The following WHRN variants were observed in gnomAD, a reference collection of about 807,000 sequenced individuals.
WHRN encodes whirlin, also known as CASK-interacting protein CIP98.
WHRN carries 41 observed loss-of-function variants against 68.3 expected under a neutral mutation model. The ratio of observed to expected loss-of-function variants is 0.60; its 90% CI spans 0.47 to 0.78. WHRN has a LOEUF of 0.78. WHRN is among the 30% of genes least tolerant of loss of function. The probability of loss-of-function intolerance (pLI) is 0.00; values close to 1 mark genes in which losing one functional copy is unlikely to be tolerated. For missense variants in WHRN, 1,243 were observed against 1,244.7 expected (o/e 1.00, Z 0.02); for synonymous variants, 560 against 561.3 (o/e 1.00, Z 0.03).
rs1176361943 is a variant in WHRN at position 114,402,515 on chromosome 9, G to A, written c.*239C>T. On this transcript the variant is annotated 3_prime_UTR_variant, in exon 12 of 12. Transcript: ENST00000362057. ...TTTCTTCCTGTCTTGCAACCCACTT[G>A]TCCTGGGCGCCTACTGTGTACCCAG... 2.4e-5 allele frequency: 14 copies of A among 583,758 alleles called. No homozygotes were observed. In the Admixed American group the frequency reaches 4.1e-4, roughly 17 times the overall value. 36.2% of individuals were successfully genotyped at this position (583,758 alleles called of 1,614,324 possible).
At chr9:114,414,904 G>A (rs536523169) in intron 7 of WHRN, among the ~76,000 whole-genome samples, 7 of 152,232 alleles carry the variant, frequency 4.6e-5, no homozygotes, top group South Asian at 2.1e-4. Context: ...TGGGGTGGGG[G>A]ACAGGAGGTC....
chr9:114,458,688 C>G (rs551539760), intron 3 of WHRN, among the ~76,000 whole-genome samples: 1 of 152,272 alleles, frequency 6.6e-6, no homozygotes, highest in South Asian at 2.1e-4. Flanking sequence ...GTGCTGGCAA[C>G]CCATGGACAG....
intron 2 of WHRN, among the ~76,000 whole-genome samples, chr9:114,469,723 G>C (rs770770763): frequency 6.6e-6 from 1 of 152,206 alleles, no homozygotes; most frequent in African/African-American, 2.4e-5. Context: ...GGGCACTGCC[G>C]CCGCTGTAAC....
intron 2 of WHRN, among the ~76,000 whole-genome samples, chr9:114,469,166 T>C (rs1353429413): frequency 6.6e-6 from 1 of 152,218 alleles, no homozygotes; most frequent in Non-Finnish European, 1.5e-5. Flanking sequence ...GCTGTCGTTA[T>C]CCTCACAGTG....
chr9:114,440,075 G>A (rs1014727797), intron 3 of WHRN, among the ~76,000 whole-genome samples: 3 of 152,188 alleles, frequency 2.0e-5, no homozygotes, highest in Non-Finnish European at 4.4e-5. Context: ...AACATGCCTA[G>A]CTAATTTTTG....
intron 2 of WHRN, among the ~76,000 whole-genome samples, chr9:114,471,888 G>A (rs756014632): frequency 7.2e-5 from 11 of 152,314 alleles, no homozygotes; most frequent in South Asian, 4.1e-4. Flanking sequence ...CTTTGGGCAC[G>A]GTTGTGAGAG....
chr9:114,449,509 G>A (rs1454248113), intron 3 of WHRN, among the ~76,000 whole-genome samples: 1 of 152,224 alleles, frequency 6.6e-6, no homozygotes, highest in Non-Finnish European at 1.5e-5. Flanking sequence ...CCTACCAAGG[G>A]CCGCTGTAAA....
intron 7 of WHRN, among the ~76,000 whole-genome samples, chr9:114,420,381 G>A (rs1836174328): frequency 6.6e-6 from 1 of 152,208 alleles, no homozygotes; most frequent in South Asian, 2.1e-4. Flanking sequence ...GCCTTCAGGA[G>A]ACAGTCATTT....
At chr9:114,459,099 C>G (rs958007252) in intron 3 of WHRN, among the ~76,000 whole-genome samples, 1 of 152,108 alleles carries the variant, frequency 6.6e-6, no homozygotes, top group Non-Finnish European at 1.5e-5. Flanking sequence ...TCATTCTTTA[C>G]CTCATGTAGC....
intron 3 of WHRN, among the ~76,000 whole-genome samples, chr9:114,432,536 C>G (rs963209558): frequency 2.0e-5 from 3 of 152,204 alleles, no homozygotes; most frequent in Admixed American, 6.5e-5. Context: ...AGCACAGACC[C>G]AGGAGTCTCT....
intron 7 of WHRN, among the ~76,000 whole-genome samples, chr9:114,411,398 G>A (rs1242858193): frequency 6.6e-6 from 1 of 152,206 alleles, no homozygotes; most frequent in Non-Finnish European, 1.5e-5. Flanking sequence ...GACAAGGGGA[G>A]CCTCTGCCAC....
At chr9:114,443,893 A>C (rs890423990) in intron 3 of WHRN, among the ~76,000 whole-genome samples, 37 of 152,042 alleles carry the variant, frequency 2.4e-4, no homozygotes, top group African/African-American at 8.5e-4. Context: ...GCCTCAAATC[A>C]TGGAGGAAGG....
intron 1 of WHRN, among the ~76,000 whole-genome samples, chr9:114,486,369 G>A (rs1420030929): frequency 6.6e-6 from 1 of 152,162 alleles, no homozygotes; most frequent in Non-Finnish European, 1.5e-5. Flanking sequence ...TGATTGTGCT[G>A]CCGTCTATAC....
chr9:114,437,491 T>TC (rs928287567), intron 3 of WHRN, among the ~76,000 whole-genome samples: 32 of 151,728 alleles, frequency 2.1e-4, no homozygotes, highest in African/African-American at 3.1e-4. Flanking sequence ...AATGTTTGTG[T>TC]CCCCCCCCAA....
At chr9:114,492,080 T>C (rs1180895637) in intron 1 of WHRN, among the ~76,000 whole-genome samples, 1 of 152,126 alleles carries the variant, frequency 6.6e-6, no homozygotes, top group Non-Finnish European at 1.5e-5. Flanking sequence ...GATACCTTTT[T>C]GTCTAACAGA....
At chr9:114,485,335 A>G (rs1564214431) in intron 1 of WHRN, among the ~76,000 whole-genome samples, 1 of 152,332 alleles carries the variant, frequency 6.6e-6, no homozygotes, top group Non-Finnish European at 1.5e-5. Flanking sequence ...GGCTCTGTAG[A>G]TGACTTGCTG....
At chr9:114,450,269 G>A (rs983602914) in intron 3 of WHRN, among the ~76,000 whole-genome samples, 1 of 152,216 alleles carries the variant, frequency 6.6e-6, no homozygotes, top group Non-Finnish European at 1.5e-5. Context: ...TGCTGGAGAG[G>A]TTGCTGCTCT....
intron 7 of WHRN, among the ~76,000 whole-genome samples, chr9:114,415,805 G>A (rs931867833): frequency 6.6e-6 from 1 of 152,128 alleles, no homozygotes; most frequent in African/African-American, 2.4e-5. Context: ...CTCTTACCCC[G>A]CTCATGGATG....
chr9:114,462,063 G>A (rs1840290026), intron 3 of WHRN, among the ~76,000 whole-genome samples: 1 of 152,090 alleles, frequency 6.6e-6, no homozygotes, highest in African/African-American at 2.4e-5. Context: ...CACAAAAGAG[G>A]GATCTATCAG....
Sources: allele counts gnomAD v4.1 joint callset (sites outside exome capture counted in the v4.1 genomes callset), GRCh38; gene constraint gnomAD v4.1.1; transcripts MANE v1.5; gene names NCBI Gene and HGNC (gene_info 2026-07-23, HGNC 2026-07-21).